ZNF845: variants seen among roughly 807,000 people sequenced by gnomAD.
The protein encoded by ZNF845 is zinc finger protein 845.
In ZNF845, 59 loss-of-function variants were observed where a neutral mutation model predicts 76.1. That is an observed-to-expected ratio of 0.78 (90% CI 0.63 to 0.96). The LOEUF (loss-of-function observed/expected upper bound fraction) is 0.96, where lower values mean the gene tolerates loss of function less well. Ranked by LOEUF, ZNF845 falls within the 40% of genes least tolerant of loss-of-function variation. The pLI is 0.00. For missense variants in ZNF845, 1,045 were observed against 1,172.8 expected, an observed-to-expected ratio of 0.89 and a Z score of 1.59; for synonymous variants, 361 against 386.9, an observed-to-expected ratio of 0.93 and a Z score of 0.78.
At position 53,353,340 on chromosome 19, in the gene ZNF845, T is replaced by A. The variant is rs748657006; in HGVS notation, c.2665T>A (p.Cys889Ser). Residue 889 changes from cysteine to serine, a missense_variant, in exon 4 of 4, where the codon TGT becomes AGT. Physicochemically the swap from Cys to Ser is moderately radical, Grantham distance 112 (BLOSUM62 -1). Coordinates refer to ENST00000458035, the MANE Select transcript of ZNF845 (RefSeq NM_138374.3). ...RLHTGEKPYK[C>S]NKCGKVFNQQ... is the part of the protein sequence containing the mutation. ...TCATACTGGAGAGAAACCTTACAAGTGTAATAAATGTGGTAAGGTTTTTAA... is the reference window on the plus strand; with the variant it reads ...TCATACTGGAGAGAAACCTTACAAGAGTAATAAATGTGGTAAGGTTTTTAA... 30 of 1,613,316 alleles carry A rather than the reference T, an allele frequency of 1.9e-5. No homozygotes were observed. In the South Asian group the frequency reaches 3.3e-4, roughly 18 times the overall value.
At position 53,341,323 on chromosome 19, in the gene ZNF845, G is replaced by A. The variant is rs775918046; in HGVS notation, c.15+1G>A. 3.1e-6 allele frequency: 5 copies of A among 1,614,004 alleles called. No individual in the cohort carries two copies. The highest frequency in any genetic ancestry group is 4.2e-6 in the Non-Finnish European group (5 of 1,179,950). ...GGAGTCAGGGATGGCTCTTTCTCAGGTGAGATGATATGTTGGGTGGATTGT... is the reference window on the plus strand; with the variant it reads ...GGAGTCAGGGATGGCTCTTTCTCAGATGAGATGATATGTTGGGTGGATTGT... On this transcript the variant is annotated splice_donor_variant, in intron 2 of 3. Transcript: ENST00000458035. LOFTEE classifies it high-confidence loss of function.
chr19:53,350,864 A>G lies in ZNF845; in HGVS notation c.189A>G (p.Gln63=), dbSNP rs1161037266. 1 of 1,614,092 alleles carries G rather than the reference A, an allele frequency of 6.2e-7. No homozygotes were observed. Among genetic ancestry groups the G allele is most frequent in the Non-Finnish European group, 8.5e-7 (1 of 1,180,000 alleles). The change falls in exon 4 of 4, where the codon CAA becomes CAG. Residue 63 remains glutamine, a synonymous_variant. Coordinates refer to ENST00000458035, the MANE Select transcript of ZNF845 (RefSeq NM_138374.3). The part of the protein sequence containing the change: ...CMMKEFSSTA[Q]GNTEVIHTGT... Reference sequence around the variant, plus strand: ...TGAAGGAGTTCTCATCAACAGCACAAGGCAATACAGAAGTGATCCACACAG... The same window carrying G: ...TGAAGGAGTTCTCATCAACAGCACAGGGCAATACAGAAGTGATCCACACAG...
At position 53,352,539 on chromosome 19, in the gene ZNF845, C is replaced by A; in HGVS notation, c.1864C>A (p.Leu622Ile). ...CGKFFRHRSY[L>I]AVHWRTHSGE... is the part of the protein sequence containing the mutation. ...CAAATTTTTCAGACATCGTTCATAC[C>A]TTGCAGTTCATTGGCGAACTCATAG... The change falls in exon 4 of 4, where the codon CTT becomes ATT. Residue 622 changes from leucine to isoleucine, a missense_variant. Coordinates refer to ENST00000458035, the MANE Select transcript of ZNF845 (RefSeq NM_138374.3). The A allele has an allele frequency of 6.2e-7, 1 of 1,607,312 alleles. No individual in the cohort carries two copies. Among genetic ancestry groups the A allele is most frequent in the South Asian group, 1.1e-5 (1 of 90,530 alleles).
rs528772561 is a variant in ZNF845, at chr19:53,353,555, T to G, written c.2880T>G (p.Arg960=). 1,947 of 1,607,226 alleles carry G rather than the reference T, an allele frequency of 1.2e-3. 33 individuals carry two copies. In the South Asian group the frequency reaches 0.021, roughly 17 times the overall value. Residue 960 remains arginine, a synonymous_variant, in exon 4 of 4, where the codon CGT becomes CGG. Coordinates refer to ENST00000458035, the MANE Select transcript of ZNF845 (RefSeq NM_138374.3). ...TTAATCGAAAAGCAAAACTTGCACG[T>G]CATCATAGAATTCATACTGGAAAGA... The part of the protein sequence containing the change: ...KVFNRKAKLA[R]HHRIHTGKKH
intron 1 of ZNF845, among the ~76,000 whole-genome samples, chr19:53,334,736 C>A (rs1338214197): frequency 6.1e-5 from 7 of 114,220 alleles, no homozygotes; most frequent in South Asian, 2.9e-4. Context: ...CCCCCCCCCC[C>A]ATCTCTGTCA....
chr19:53,344,604 A>ATTTAT (rs61048596), intron 2 of ZNF845, among the ~76,000 whole-genome samples: 15,898 of 126,796 alleles, frequency 0.13, 1,459 homozygotes, highest in African/African-American at 0.23. Context: ...ATTTTATTTT[A>ATTTAT]TTTATTTTAT....
chr19:53,345,803 C>T (rs895452120), intron 3 of ZNF845, among the ~76,000 whole-genome samples, 171 bp downstream of exon 3: 2 of 151,752 alleles, frequency 1.3e-5, no homozygotes, highest in Non-Finnish European at 2.9e-5. Context: ...CCACCTCAGC[C>T]TCCCCCAGTA....
chr19:53,351,190 C>T lies in ZNF845; in HGVS notation c.515C>T (p.Ser172Leu), dbSNP rs779155365. 5.5e-5 allele frequency: 88 copies of T among 1,614,174 alleles called. No homozygotes were observed. The highest frequency in any genetic ancestry group is 5.8e-5 in the Non-Finnish European group (68 of 1,180,032). ...NQVEKSINSA[S>L]LVSTSQRISC... is the part of the protein sequence containing the mutation. ...GTTGAGAAGTCTATCAACAGTGCTT[C>T]GTTGGTTTCAACATCCCAAAGAATT... The change falls in exon 4 of 4, where the codon TCG becomes TTG. Residue 172 changes from serine to leucine, a missense_variant. Physicochemically the swap from Ser to Leu is moderately radical, Grantham distance 145. Coordinates refer to ENST00000458035, the MANE Select transcript of ZNF845 (RefSeq NM_138374.3).
chr19:53,344,572 C>T (rs540074269), intron 2 of ZNF845, among the ~76,000 whole-genome samples: 4 of 130,562 alleles, frequency 3.1e-5, no homozygotes, highest in South Asian at 2.7e-4. Context: ...ATTTCTGTAA[C>T]GAGAACCCTA....
chr19:53,345,589 C>T lies in ZNF845; in HGVS notation c.99C>T (p.Tyr33=). The change falls in exon 3 of 4, where the codon TAC becomes TAT. Residue 33 remains tyrosine, a synonymous_variant. Coordinates refer to ENST00000458035, the MANE Select transcript of ZNF845 (RefSeq NM_138374.3). ...TGGACCCTGCTCAGAGGACTCTATA[C>T]AGGGACGTGATGCTGGAGAATTATA... ...KCLDPAQRTL[Y]RDVMLENYRN... 3 of 1,613,966 alleles carry T rather than the reference C, an allele frequency of 1.9e-6. No homozygotes were observed. Among genetic ancestry groups the T allele is most frequent in the Non-Finnish European group, 2.5e-6 (3 of 1,179,892 alleles).
intron 3 of ZNF845, among the ~76,000 whole-genome samples, chr19:53,348,083 C>T (rs775421029): frequency 1.6e-4 from 24 of 151,960 alleles, no homozygotes; most frequent in East Asian, 1.9e-4. Flanking sequence ...CCAAGTAACT[C>T]GGGAGGCTGA....
rs2085376934 is a variant in ZNF845 at position 53,355,226 on chromosome 19, T to C, written c.*1638T>C. 6.6e-6 allele frequency: 1 copy of C among 151,994 alleles called. No individual in the cohort carries two copies. The highest frequency in any genetic ancestry group is 1.5e-5 in the Non-Finnish European group (1 of 68,016). 9.4% of individuals were successfully genotyped at this position (151,994 alleles called of 1,614,324 possible). On this transcript the variant is annotated 3_prime_UTR_variant, in exon 4 of 4. Coordinates refer to ENST00000458035, the MANE Select transcript of ZNF845 (RefSeq NM_138374.3). ...CGCACCCAGCCAGTGATTTTCTATA[T>C]AGAATGTCGTATCATCTACAAGGAA...
At chr19:53,343,799 A>G (rs2085274079) in intron 2 of ZNF845, among the ~76,000 whole-genome samples, 1 of 151,996 alleles carries the variant, frequency 6.6e-6, no homozygotes, top group Non-Finnish European at 1.5e-5. Flanking sequence ...GGATTTTCAT[A>G]CTTTGAGTCA....
chr19:53,338,664 T>A (rs2085233506), intron 1 of ZNF845, among the ~76,000 whole-genome samples: 1 of 151,046 alleles, frequency 6.6e-6, no homozygotes, highest in Non-Finnish European at 1.5e-5. Context: ...GACGCTCTAC[T>A]GGCTTTTCCT....
Position 53,353,606 on chromosome 19 carries a change from CAA to C in ZNF845, c.*20_*21del, listed in dbSNP as rs1394268705. The C allele has an allele frequency of 6.4e-7, 1 of 1,557,784 alleles. No individual in the cohort carries two copies. Among genetic ancestry groups the C allele is most frequent in the African/African-American group, 1.4e-5 (1 of 72,924 alleles). ...AACATTAGAAATATGAAGAATGTGA[CAA>C]AGTTTACAGTTGTAAATCAAGTCTT... On this transcript the variant is annotated 3_prime_UTR_variant, in exon 4 of 4. Coordinates refer to ENST00000458035, the MANE Select transcript of ZNF845 (RefSeq NM_138374.3).
intron 3 of ZNF845, chr19:53,346,299 A>T: frequency 2.8e-6 from 1 of 354,796 alleles, no homozygotes; most frequent in Non-Finnish European, 5.7e-6. Flanking sequence ...CTTCTTATTG[A>T]CTTTTGTTTA....
At chr19:53,344,605 T>C (rs2085280124) in intron 2 of ZNF845, among the ~76,000 whole-genome samples, 1 of 41,026 alleles carries the variant, frequency 2.4e-5, no homozygotes, top group South Asian at 8.8e-4. Context: ...TTTTATTTTA[T>C]TTATTTTATT....
At position 53,353,796 on chromosome 19, in the gene ZNF845, C is replaced by T. The variant is rs2085364317; in HGVS notation, c.*208C>T. ...GGCAAAGCCTTTAGTGGGCAGTCAACACTTATTCACCATCAGGCAATCCAT... is the reference window on the plus strand; with the variant it reads ...GGCAAAGCCTTTAGTGGGCAGTCAATACTTATTCACCATCAGGCAATCCAT... On this transcript the variant is annotated 3_prime_UTR_variant, in exon 4 of 4. Transcript: ENST00000458035. 1.3e-6 allele frequency: 2 copies of T among 1,505,852 alleles called. No homozygotes were observed. Among genetic ancestry groups the T allele is most frequent in the African/African-American group, 2.8e-5 (2 of 71,426 alleles). The allele number at this position is 1,505,852 out of a possible 1,614,324, so 93.3% of individuals were successfully genotyped here.
intron 1 of ZNF845, among the ~76,000 whole-genome samples, chr19:53,340,145 G>C (rs2085245792): frequency 6.6e-6 from 1 of 152,178 alleles, no homozygotes. Context: ...TCTGCCTCTG[G>C]AGTTTAAGCG....
Sources: gnomAD v4.1 joint callset for allele counts (sites outside exome capture counted in the v4.1 genomes callset) on GRCh38, gnomAD v4.1.1 for gene constraint, MANE v1.5 for transcripts, NCBI Gene and HGNC (gene_info 2026-07-23, HGNC 2026-07-21) for gene names.